DLG2: variants seen among roughly 807,000 people sequenced by gnomAD.
DLG2 encodes discs large MAGUK scaffold protein 2.
In DLG2, 45 loss-of-function variants were observed where a neutral mutation model predicts 132.5. The observed-to-expected ratio is 0.34, with a 90% CI of 0.27 to 0.44. DLG2 has a LOEUF of 0.44. Ranked by LOEUF, DLG2 falls within the 20% of genes least tolerant of loss-of-function variation. The pLI is 1.00. For missense variants in DLG2, 1,045 were observed against 1,196.9 expected (o/e 0.87, Z 1.87); for synonymous variants, 424 against 419.6 (o/e 1.01, Z -0.13).
chr11:85,496,678 G>A (rs935206334), intron 3 of DLG2, among the ~76,000 whole-genome samples: 2 of 152,112 alleles, frequency 1.3e-5, no homozygotes, highest in Non-Finnish European at 2.9e-5. Flanking sequence ...GGGGCCAACA[G>A]ACACCTCATA....
chr11:85,474,031 T>C (rs147992673), intron 3 of DLG2, among the ~76,000 whole-genome samples: 50 of 152,166 alleles, frequency 3.3e-4, no homozygotes, highest in African/African-American at 1.1e-3. Context: ...TAGATAGTCA[T>C]GTTGAACTAC....
intron 9 of DLG2, among the ~76,000 whole-genome samples, chr11:84,158,339 A>T (rs545442169): frequency 4.6e-5 from 7 of 152,324 alleles, no homozygotes; most frequent in African/African-American, 1.7e-4. Context: ...CTGGGATTAC[A>T]GGCATGAGCC....
chr11:83,548,146 G>A (rs968758624), intron 19 of DLG2, among the ~76,000 whole-genome samples: 1 of 152,136 alleles, frequency 6.6e-6, no homozygotes, highest in Non-Finnish European at 1.5e-5. Context: ...CTGTAGTTAT[G>A]TGAAAAGAAG....
rs2094315660 is a variant in DLG2, at chr11:83,769,943, C to T, written c.1825+16747G>A. On this transcript the variant is annotated intron_variant, in intron 18 of 27. Coordinates refer to ENST00000376104, the MANE Select transcript of DLG2 (RefSeq NM_001142699.3). ...TGCTTCCTCTTCCTAAGTCTGTTGT[C>T]CTCTGGAATGGAGGGGTGGTGCTCC... Among the ~76,000 whole-genome samples the T allele has an allele frequency of 2.0e-5, 3 of 152,218 alleles. No individual in the cohort carries two copies. In the South Asian group the frequency reaches 6.2e-4, roughly 32 times the overall value.
intron 4 of DLG2, among the ~76,000 whole-genome samples, chr11:85,195,835 T>A (rs77345393): frequency 0.02 from 3,020 of 152,220 alleles, 59 homozygotes; most frequent in Admixed American, 0.037. Flanking sequence ...CGACAGTGTT[T>A]TAAATAATCT....
chr11:85,390,906 CCA>C (rs1215347039), intron 3 of DLG2, among the ~76,000 whole-genome samples: 1 of 151,778 alleles, frequency 6.6e-6, no homozygotes, highest in Non-Finnish European at 1.5e-5. Flanking sequence ...CAAATCAAAC[CCA>C]CACACAGAAG....
chr11:83,588,485 C>A (rs1288175212), intron 19 of DLG2, among the ~76,000 whole-genome samples: 1 of 151,616 alleles, frequency 6.6e-6, no homozygotes, highest in African/African-American at 2.4e-5. Context: ...CCCATCTGTA[C>A]ATCACCATCA....
At chr11:85,251,716 T>G (rs1402343156) in intron 4 of DLG2, among the ~76,000 whole-genome samples, 1 of 152,170 alleles carries the variant, frequency 6.6e-6, no homozygotes, top group Non-Finnish European at 1.5e-5. Flanking sequence ...TAAGAGGCCA[T>G]TAATAAGTAT....
intron 15 of DLG2, among the ~76,000 whole-genome samples, chr11:83,881,874 T>A (rs1276318730): frequency 6.6e-6 from 1 of 152,202 alleles, no homozygotes; most frequent in Admixed American, 6.5e-5. Flanking sequence ...AAAAGCCTTG[T>A]CTCTATCAAG....
At chr11:84,414,058 T>C (rs748628172) in intron 7 of DLG2, among the ~76,000 whole-genome samples, 55 of 152,220 alleles carry the variant, frequency 3.6e-4, no homozygotes, top group Non-Finnish European at 7.3e-4. Flanking sequence ...ATGCAATTTG[T>C]ACTATGTTCT....
At chr11:83,532,834 CTAAGTTCCATAT>C (rs747345089) in intron 20 of DLG2, 51 bp from the exon 21 acceptor site, 28 of 1,493,964 alleles carry the variant, frequency 1.9e-5, no homozygotes, top group Non-Finnish European at 8.3e-6. Flanking sequence ...GCATTTATGA[CTAAGTTCCATAT>C]TAAGTGAAGA....
intron 7 of DLG2, among the ~76,000 whole-genome samples, chr11:84,271,210 T>C (rs550556689): frequency 6.6e-6 from 1 of 152,332 alleles, no homozygotes; most frequent in African/African-American, 2.4e-5. Context: ...AATAAAGACT[T>C]GGAAGATGCT....
chr11:85,546,290 G>T (rs746242943), intron 3 of DLG2, among the ~76,000 whole-genome samples: 1 of 152,188 alleles, frequency 6.6e-6, no homozygotes, highest in Non-Finnish European at 1.5e-5. Flanking sequence ...TTTCTATGCA[G>T]TTGTGTGATT....
chr11:85,208,125 T>C (rs976463192), intron 4 of DLG2, among the ~76,000 whole-genome samples: 3 of 152,116 alleles, frequency 2.0e-5, no homozygotes, highest in South Asian at 4.1e-4. Flanking sequence ...CCATATGAAA[T>C]AGATGTTCAT....
chr11:84,979,205 C>T (rs1339114483), intron 6 of DLG2, among the ~76,000 whole-genome samples: 1 of 150,324 alleles, frequency 6.7e-6, no homozygotes, highest in African/African-American at 2.4e-5. Context: ...AGTTTACAGT[C>T]ACACACCTGT....
At chr11:84,830,961 C>CCG (rs1555246505) in intron 6 of DLG2, among the ~76,000 whole-genome samples, 1 of 108,330 alleles carries the variant, frequency 9.2e-6, no homozygotes, top group East Asian at 3.4e-4. Context: ...TCCCCCCACC[C>CCG]CCCCCAGCTC....
intron 18 of DLG2, among the ~76,000 whole-genome samples, chr11:83,716,778 A>G (rs2086806164): frequency 6.6e-6 from 1 of 152,032 alleles, no homozygotes; most frequent in South Asian, 2.1e-4. Flanking sequence ...CATAATCTTC[A>G]ATGCTTTAAT....
intron 11 of DLG2, among the ~76,000 whole-genome samples, chr11:84,020,163 A>G (rs1181769218): frequency 6.6e-6 from 1 of 152,114 alleles, no homozygotes; most frequent in Non-Finnish European, 1.5e-5. Context: ...TTAAAGGAAA[A>G]GGGGATTTGA....
At chr11:84,030,128 T>C (rs2095652282) in intron 11 of DLG2, among the ~76,000 whole-genome samples, 1 of 152,130 alleles carries the variant, frequency 6.6e-6, no homozygotes, top group South Asian at 2.1e-4. Flanking sequence ...AGAGATGGTG[T>C]ATTTTTCACT....
Sources: gnomAD v4.1 joint callset for allele counts (sites outside exome capture counted in the v4.1 genomes callset) on GRCh38, gnomAD v4.1.1 for gene constraint, MANE v1.5 for transcripts, NCBI Gene and HGNC (gene_info 2026-07-23, HGNC 2026-07-21) for gene names.